The following HPSE2 variants were observed in gnomAD, a reference collection of about 807,000 sequenced individuals.
The protein encoded by HPSE2 is heparanase 2 (inactive).
Under a neutral mutation model 60.5 loss-of-function variants are expected in HPSE2, and 38 were observed. The ratio of observed to expected loss-of-function variants is 0.63; its 90% CI spans 0.48 to 0.82. The LOEUF is 0.82. HPSE2 is among the 40% of genes least tolerant of loss of function. The pLI, the probability that HPSE2 is intolerant of heterozygous loss-of-function variation, is 0.00. For missense variants in HPSE2, 713 were observed against 740.4 expected (o/e 0.96, Z 0.43); for synonymous variants, 295 against 293.2 (o/e 1.01, Z -0.06).
chr10:98,461,199 GAT>G (rs1490544577), intron 11 of HPSE2, among the ~76,000 whole-genome samples: 9 of 152,260 alleles, frequency 5.9e-5, no homozygotes, highest in African/African-American at 2.2e-4. Flanking sequence ...AATTCCCAGA[GAT>G]AAGTGTGTTG....
intron 3 of HPSE2, among the ~76,000 whole-genome samples, chr10:98,900,894 G>A (rs1953648837): frequency 6.6e-6 from 1 of 152,076 alleles, no homozygotes; most frequent in African/African-American, 2.4e-5. Context: ...ATATAAAAAT[G>A]TATACATAAA....
chr10:98,800,928 A>G (rs1950891805), intron 3 of HPSE2, among the ~76,000 whole-genome samples: 1 of 152,204 alleles, frequency 6.6e-6, no homozygotes, highest in African/African-American at 2.4e-5. Flanking sequence ...TCAAAAACAG[A>G]AAACTACAGG....
chr10:99,174,426 G>A (rs757544678), intron 2 of HPSE2, among the ~76,000 whole-genome samples: 21 of 152,154 alleles, frequency 1.4e-4, no homozygotes, highest in Non-Finnish European at 2.8e-4. Context: ...TAACCATATA[G>A]GAGATGTATC....
At chr10:98,941,313 T>C (rs1589401178) in intron 3 of HPSE2, among the ~76,000 whole-genome samples, 1 of 125,900 alleles carries the variant, frequency 7.9e-6, no homozygotes, top group Non-Finnish European at 1.6e-5. Context: ...GCAGATGACA[T>C]GATTGTATAT....
At chr10:98,806,105 G>A (rs1589856944) in intron 3 of HPSE2, among the ~76,000 whole-genome samples, 1 of 152,122 alleles carries the variant, frequency 6.6e-6, no homozygotes, top group African/African-American at 2.4e-5. Context: ...TTAAGATATA[G>A]TATGCAAAAA....
chr10:98,553,977 T>C (rs765838439), intron 9 of HPSE2, among the ~76,000 whole-genome samples: 5 of 152,200 alleles, frequency 3.3e-5, no homozygotes, highest in Non-Finnish European at 7.3e-5. Context: ...CTCTCCTCCA[T>C]AGAGCTCACT....
the HPSE2 span, among the ~76,000 whole-genome samples, chr10:99,290,152 T>G: frequency 0.85 from 129,222 of 152,138 alleles, 55,332 homozygotes; most frequent in African/African-American, 0.91. Flanking sequence ...ACTTTACATC[T>G]TCATAAAATG....
chr10:98,671,048 G>A (rs519127), intron 6 of HPSE2, among the ~76,000 whole-genome samples: 28,285 of 152,046 alleles, frequency 0.19, 3,125 homozygotes, highest in East Asian at 0.33. Context: ...TTTGGATTTT[G>A]GTGCATTTCA....
chr10:98,556,220 G>A (rs1359009785), intron 9 of HPSE2, among the ~76,000 whole-genome samples: 1 of 152,190 alleles, frequency 6.6e-6, no homozygotes, highest in Non-Finnish European at 1.5e-5. Context: ...TCTGGAATGT[G>A]GAGAACAGAA....
intron 3 of HPSE2, among the ~76,000 whole-genome samples, chr10:98,960,070 C>A (rs79650872): frequency 7.0e-4 from 106 of 152,266 alleles, no homozygotes; most frequent in Middle Eastern, 3.4e-3. Context: ...AAAATCTGGA[C>A]TGTTGATTCA....
intron 3 of HPSE2, among the ~76,000 whole-genome samples, chr10:99,015,997 C>T (rs1957132020): frequency 6.6e-6 from 1 of 151,948 alleles, no homozygotes. Context: ...AGGCTATTTA[C>T]TCTGTTAATA....
intron 3 of HPSE2, among the ~76,000 whole-genome samples, chr10:98,814,128 T>A (rs1430160858): frequency 6.6e-6 from 1 of 152,136 alleles, no homozygotes; most frequent in Non-Finnish European, 1.5e-5. Context: ...TATACCCTTA[T>A]AAATGTTAAT....
intron 3 of HPSE2, among the ~76,000 whole-genome samples, chr10:98,818,820 A>C (rs969692199): frequency 1.6e-4 from 25 of 152,190 alleles, no homozygotes; most frequent in Admixed American, 1.6e-3. Context: ...TTCTATGTTC[A>C]TAAATAGTTT....
intron 7 of HPSE2, among the ~76,000 whole-genome samples, chr10:98,635,518 G>A (rs771076083): frequency 6.6e-6 from 1 of 152,070 alleles, no homozygotes; most frequent in Non-Finnish European, 1.5e-5. Context: ...TGGTGGCTTA[G>A]GTATGTAATC....
the HPSE2 span, among the ~76,000 whole-genome samples, chr10:99,271,914 T>C: frequency 1.3e-5 from 2 of 152,068 alleles, no homozygotes; most frequent in Non-Finnish European, 2.9e-5. Flanking sequence ...CAACAAATGG[T>C]GCTGGGATAA....
intron 5 of HPSE2, among the ~76,000 whole-genome samples, chr10:98,706,768 A>G (rs76617366): frequency 6.6e-6 from 1 of 152,146 alleles, no homozygotes; most frequent in Non-Finnish European, 1.5e-5. Context: ...GGGAACAAGT[A>G]AGGGAATGGC....
chr10:98,653,384 T>C (rs1008403224), intron 6 of HPSE2, among the ~76,000 whole-genome samples: 3 of 152,010 alleles, frequency 2.0e-5, no homozygotes, highest in African/African-American at 7.2e-5. Context: ...ATATCTATTA[T>C]GCTCTAAGTG....
At chr10:99,185,275 G>A (rs1338410281) in intron 2 of HPSE2, among the ~76,000 whole-genome samples, 1 of 151,942 alleles carries the variant, frequency 6.6e-6, no homozygotes, top group Non-Finnish European at 1.5e-5. Flanking sequence ...CTGCACTCCA[G>A]CCTGGGTGAC....
chr10:99,051,866 A>C (rs899503966), intron 3 of HPSE2, among the ~76,000 whole-genome samples: 4 of 152,118 alleles, frequency 2.6e-5, no homozygotes. Flanking sequence ...AAAAATGAAA[A>C]CAGACCTGCT....
Sources: gnomAD v4.1 joint callset for allele counts (sites outside exome capture counted in the v4.1 genomes callset) on GRCh38, gnomAD v4.1.1 for gene constraint, MANE v1.5 for transcripts, NCBI Gene and HGNC (gene_info 2026-07-23, HGNC 2026-07-21) for gene names.